Variants in PPP2R5C observed in about 807,000 individuals in gnomAD.
PPP2R5C encodes the protein protein phosphatase 2 regulatory subunit B'gamma.
In PPP2R5C, 7 loss-of-function variants were observed where a neutral mutation model predicts 68.9. The observed-to-expected ratio is 0.10, with a 90% CI of 0.06 to 0.19. The LOEUF is 0.19. PPP2R5C is among the 10% of genes least tolerant of loss of function. The pLI is 1.00. For synonymous variants in PPP2R5C, 210 were observed against 222.2 expected (o/e 0.95, Z 0.49); for missense variants, 348 against 641.3 (o/e 0.54, Z 4.94).
At chr14:101,849,272 G>A (rs1373710210) in intron 1 of PPP2R5C, among the ~76,000 whole-genome samples, 1 of 152,156 alleles carries the variant, frequency 6.6e-6, no homozygotes, top group African/African-American at 2.4e-5. Context: ...TGCCAGGAGT[G>A]CTGTCCTGGC....
chr14:101,841,007 C>G (rs72715665), intron 1 of PPP2R5C, among the ~76,000 whole-genome samples: 12,396 of 152,158 alleles, frequency 0.081, 531 homozygotes, highest in Middle Eastern at 0.14. Context: ...ACATCATTAA[C>G]AAAAAACAAA....
chr14:101,836,458 G>A, intron 1 of PPP2R5C: 1 of 669,402 alleles, frequency 1.5e-6, no homozygotes, highest in East Asian at 2.7e-5. Context: ...TATTGTAAAT[G>A]AGTCATTCTG....
At chr14:101,922,837 TAAAG>T (rs1466010179) in intron 13 of PPP2R5C, among the ~76,000 whole-genome samples, 4 of 152,070 alleles carry the variant, frequency 2.6e-5, no homozygotes, top group African/African-American at 7.2e-5. Context: ...AAAAAAATTT[TAAAG>T]AAATTTGGTC....
At chr14:101,800,651 CAAAA>C (rs201617260) in intron 3 of PPP2R5C, among the ~76,000 whole-genome samples, 1 of 124,444 alleles carries the variant, frequency 8.0e-6, no homozygotes, top group Non-Finnish European at 1.8e-5. Flanking sequence ...TTAGCAATAC[CAAAA>C]AAAAAAAAAA....
chr14:101,866,175 G>A (rs982111960), intron 2 of PPP2R5C, among the ~76,000 whole-genome samples: 1 of 152,204 alleles, frequency 6.6e-6, no homozygotes, highest in African/African-American at 2.4e-5. Flanking sequence ...GATAACTGGC[G>A]TGAGCCAGCG....
At chr14:101,812,671 T>C (rs1165110035) in intron 1 of PPP2R5C, among the ~76,000 whole-genome samples, 1 of 152,244 alleles carries the variant, frequency 6.6e-6, no homozygotes, top group Non-Finnish European at 1.5e-5. Flanking sequence ...TAGCCTCTTT[T>C]TGTATAACAG....
At chr14:101,847,505 A>G (rs2140475901) in intron 1 of PPP2R5C, among the ~76,000 whole-genome samples, 1 of 152,196 alleles carries the variant, frequency 6.6e-6, no homozygotes, top group South Asian at 2.1e-4. Flanking sequence ...AGCAGAATTC[A>G]TCACCTCCCA....
Position 101,906,922 on chromosome 14 carries a change from C to T in PPP2R5C, c.1151+393C>T, listed in dbSNP as rs2046062050. 1.3e-5 allele frequency among the ~76,000 whole-genome samples: 2 copies of T among 152,090 alleles called. No homozygotes were observed. The highest frequency in any genetic ancestry group is 1.3e-4 in the Admixed American group (2 of 15,248). On this transcript the variant is annotated intron_variant, in intron 10 of 13. Coordinates refer to ENST00000334743, the Ensembl canonical transcript of PPP2R5C. This position sits in a 1 kb window ranked among gnomAD's most constrained non-coding sequence, Gnocchi z 4.0. ...CTGCTGACATGCACCCTGGATGAGC[C>T]CCTGTGTGAGACCCAAGAACCACCC...
intron 2 of PPP2R5C, among the ~76,000 whole-genome samples, chr14:101,771,951 T>C (rs2139976318): frequency 6.6e-6 from 1 of 152,254 alleles, no homozygotes; most frequent in Non-Finnish European, 1.5e-5. Context: ...ATGTAAATAA[T>C]TCAGTCCCTC....
intron 1 of PPP2R5C, chr14:101,831,673 T>A (rs768073973): frequency 1.6e-5 from 11 of 687,200 alleles, no homozygotes; most frequent in Non-Finnish European, 3.0e-5. Flanking sequence ...GGTCCACTTA[T>A]ATGTGGATTT....
upstream of PPP2R5C, among the ~76,000 whole-genome samples, chr14:101,805,289 C>G (rs776104349): frequency 5.3e-5 from 8 of 152,172 alleles, no homozygotes; most frequent in Non-Finnish European, 1.2e-4. Flanking sequence ...TGGTCTCAAA[C>G]TCTTGACCTC....
chr14:101,886,258 G>A (rs2044506407), intron 5 of PPP2R5C, among the ~76,000 whole-genome samples: 2 of 150,854 alleles, frequency 1.3e-5, no homozygotes, highest in Non-Finnish European at 2.9e-5. Context: ...TCCAGCCTGG[G>A]CGACAGAGCA....
At chr14:101,856,099 T>C (rs1408062306) in intron 1 of PPP2R5C, among the ~76,000 whole-genome samples, 1 of 152,252 alleles carries the variant, frequency 6.6e-6, no homozygotes, top group Non-Finnish European at 1.5e-5. Context: ...TTTGAATGTT[T>C]GGAAGTTAAC....
At chr14:101,788,805 T>C (rs2038236514) in intron 3 of PPP2R5C, among the ~76,000 whole-genome samples, 1 of 152,218 alleles carries the variant, frequency 6.6e-6, no homozygotes, top group South Asian at 2.1e-4. Context: ...GAATTAAAGT[T>C]ATATATTAAT....
chr14:101,851,450 C>T (rs1038276161), intron 1 of PPP2R5C, among the ~76,000 whole-genome samples: 12 of 152,068 alleles, frequency 7.9e-5, no homozygotes, highest in African/African-American at 2.9e-4. Flanking sequence ...AAAATAAAAA[C>T]GTGCATGGAA....
rs531590632 is a variant in PPP2R5C at position 101,912,330 on chromosome 14, G to A, written c.1254-71G>A. 1.5e-4 allele frequency: 203 copies of A among 1,350,848 alleles called. 2 individuals carry two copies. The Middle Eastern group carries it at 3.8e-3, about 26-fold the overall frequency. 83.7% of individuals were successfully genotyped at this position (1,350,848 alleles called of 1,614,324 possible). A position where few individuals can be genotyped will look rare whatever the true frequency, so the allele number is the denominator to read the frequency against. ...CGCTGGCTGGGCTCAACATGCCTGT[G>A]CCTTTTCCCCTTCAGTGTGTTCTTG... is the stretch of plus-strand genomic sequence containing the variant. On this transcript the variant is annotated intron_variant, in intron 11 of 13. Coordinates refer to ENST00000334743, the Ensembl canonical transcript of PPP2R5C.
intron 1 of PPP2R5C, among the ~76,000 whole-genome samples, chr14:101,822,081 C>CT (rs2040115329): frequency 9.1e-6 from 1 of 109,684 alleles, no homozygotes; most frequent in Non-Finnish European, 1.9e-5. Flanking sequence ...CACCCCCTGC[C>CT]CCCCCCCCAC....
intron 1 of PPP2R5C, among the ~76,000 whole-genome samples, chr14:101,815,134 C>T (rs1427762333): frequency 1.3e-5 from 2 of 152,156 alleles, no homozygotes; most frequent in African/African-American, 4.8e-5. Flanking sequence ...AACCCTCCCC[C>T]ACTCACTACC....
At chr14:101,811,701 G>A (rs2039371954) in intron 1 of PPP2R5C, among the ~76,000 whole-genome samples, 1 of 152,092 alleles carries the variant, frequency 6.6e-6, no homozygotes, top group Non-Finnish European at 1.5e-5. Flanking sequence ...CATATAAAAT[G>A]TAAATTTTTA....
Sources: allele counts gnomAD v4.1 joint callset (sites outside exome capture counted in the v4.1 genomes callset), GRCh38; gene constraint gnomAD v4.1.1; non-coding constraint Gnocchi (gnomAD v3.1); transcripts MANE v1.5; gene names NCBI Gene and HGNC (gene_info 2026-07-23, HGNC 2026-07-21).